Variants in NCAM1 observed in about 807,000 individuals in gnomAD.
NCAM1 encodes neural cell adhesion molecule 1, also known as antigen recognized by monoclonal antibody 5.1H11.
NCAM1 carries 14 observed loss-of-function variants against 109.8 expected under a neutral mutation model. The ratio of observed to expected loss-of-function variants is 0.13; its 90% CI spans 0.08 to 0.20. The LOEUF (loss-of-function observed/expected upper bound fraction) is 0.20. NCAM1 is among the 10% of genes least tolerant of loss of function. The probability of loss-of-function intolerance (pLI) is 1.00; values close to 1 mark genes in which losing one functional copy is unlikely to be tolerated. For missense variants in NCAM1, 774 were observed against 1,109.9 expected, an observed-to-expected ratio of 0.70 and a Z score of 4.30; for synonymous variants, 418 against 442.9, an observed-to-expected ratio of 0.94 and a Z score of 0.70.
At chr11:113,050,354 A>G (rs1447964216) in intron 1 of NCAM1, among the ~76,000 whole-genome samples, 1 of 152,144 alleles carries the variant, frequency 6.6e-6, no homozygotes, top group African/African-American at 2.4e-5. Flanking sequence ...TCAGGCGCTG[A>G]CTCAAATATT....
intron 18 of NCAM1, among the ~76,000 whole-genome samples, chr11:113,270,786 C>A (rs1946249586): frequency 6.6e-6 from 1 of 152,162 alleles, no homozygotes; most frequent in African/African-American, 2.4e-5. Flanking sequence ...CATCACTCAA[C>A]AAATATTTAT....
chr11:113,193,741 T>A (rs1419575172), intron 1 of NCAM1, among the ~76,000 whole-genome samples: 1 of 151,990 alleles, frequency 6.6e-6, no homozygotes, highest in Non-Finnish European at 1.5e-5. Context: ...ACTGGGTGCC[T>A]TTTGGGGACT....
intron 1 of NCAM1, among the ~76,000 whole-genome samples, chr11:113,176,270 G>A (rs1943140773): frequency 6.6e-6 from 1 of 152,202 alleles, no homozygotes; most frequent in African/African-American, 2.4e-5. Flanking sequence ...GACAAGCATG[G>A]CCTCTTGGAG....
intron 14 of NCAM1, 103 bp from the exon 15 acceptor site, chr11:113,246,265 C>T: frequency 4.6e-6 from 3 of 653,970 alleles, no homozygotes; most frequent in East Asian, 5.5e-5. Flanking sequence ...TTCCATGTGA[C>T]CTCCTCCACT....
chr11:113,164,097 C>T (rs1485815211), intron 1 of NCAM1, among the ~76,000 whole-genome samples: 1 of 152,132 alleles, frequency 6.6e-6, no homozygotes, highest in Non-Finnish European at 1.5e-5. Context: ...TGGGTACATG[C>T]TCTGCAGTCT....
chr11:113,152,135 A>T (rs1376287761), intron 1 of NCAM1, among the ~76,000 whole-genome samples: 3 of 152,244 alleles, frequency 2.0e-5, no homozygotes, highest in Non-Finnish European at 2.9e-5. Context: ...TCAGGAAGGC[A>T]TCTCTCATGG....
rs535255349 is a variant in NCAM1 at position 113,050,427 on chromosome 11, C to T, written c.52+88763C>T. Among the ~76,000 whole-genome samples the T allele has an allele frequency of 2.7e-3, 416 of 152,194 alleles. 1 individual carries two copies. The highest frequency in any genetic ancestry group is 9.6e-3 in the African/African-American group (397 of 41,518). On this transcript the variant is annotated intron_variant, in intron 1 of 19. Transcript: ENST00000316851. ...TTATTATAGGAGGTTTGAGAAATTC[C>T]ACTCTTTCCCCTTATTTTCTTCAAA...
intron 1 of NCAM1, among the ~76,000 whole-genome samples, chr11:113,117,459 C>T (rs1331698965): frequency 6.6e-6 from 1 of 151,918 alleles, no homozygotes; most frequent in Non-Finnish European, 1.5e-5. Flanking sequence ...TTCCCGTCCC[C>T]CACTAATCCC....
intron 17 of NCAM1, chr11:113,264,529 C>T (rs1278958910): frequency 1.0e-6 from 1 of 985,656 alleles, no homozygotes. Context: ...GGGCACAGGG[C>T]AGAGCATAAG....
intron 1 of NCAM1, among the ~76,000 whole-genome samples, chr11:113,007,825 T>A (rs6589354): frequency 0.45 from 68,645 of 152,120 alleles, 16,363 homozygotes; most frequent in East Asian, 0.8. Flanking sequence ...TGGGCTTGAA[T>A]GGTTTGGAGT....
Position 113,012,383 on chromosome 11 carries a change from C to G in NCAM1, c.52+50719C>G, listed in dbSNP as rs77498137. On this transcript the variant is annotated intron_variant, in intron 1 of 19. Coordinates refer to ENST00000316851, the MANE Select transcript of NCAM1 (RefSeq NM_181351.5). ...CTGAAATTTGAATATAGGTTGTACA[C>G]TAGATGCCAGTATATCAGTGTTAAA... 2.9e-3 allele frequency among the ~76,000 whole-genome samples: 446 copies of G among 152,218 alleles called. 3 individuals carry two copies. The highest frequency in any genetic ancestry group is 4.3e-3 in the Non-Finnish European group (291 of 68,020).
chr11:113,198,648 G>C (rs1210769626), intron 1 of NCAM1, among the ~76,000 whole-genome samples: 2 of 152,168 alleles, frequency 1.3e-5, no homozygotes, highest in South Asian at 2.1e-4. Flanking sequence ...GCTGATGTTA[G>C]ATCTTTGTAC....
chr11:113,085,324 T>C (rs1321694303), intron 1 of NCAM1, among the ~76,000 whole-genome samples: 3 of 152,220 alleles, frequency 2.0e-5, no homozygotes, highest in Non-Finnish European at 2.9e-5. Context: ...CTGACTAGAT[T>C]GCAGTTATTA....
intron 1 of NCAM1, among the ~76,000 whole-genome samples, chr11:113,177,930 C>G (rs1307173850): frequency 6.6e-6 from 1 of 152,052 alleles, no homozygotes; most frequent in Non-Finnish European, 1.5e-5. Flanking sequence ...AAAAGGAATG[C>G]CTACAGCAGC....
At chr11:113,238,584 C>A (rs540332743) in intron 14 of NCAM1, among the ~76,000 whole-genome samples, 1 of 152,222 alleles carries the variant, frequency 6.6e-6, no homozygotes, top group Admixed American at 6.5e-5. Context: ...GAACTGAGGA[C>A]GAGCCTTAGG....
Position 113,202,467 on chromosome 11 carries a change from G to A in NCAM1, c.127+14G>A, listed in dbSNP as rs1555112054. 1 of 1,598,796 alleles carries A rather than the reference G, an allele frequency of 6.3e-7. No individual in the cohort carries two copies. Among genetic ancestry groups the A allele is most frequent in the East Asian group, 2.2e-5 (1 of 44,786 alleles). ...TCTTATGCCAAGGCAAGTGCCTAGT[G>A]CTCAGCTGCATTTTAGAACTTGCTT... On this transcript the variant is annotated intron_variant, in intron 2 of 19. Coordinates refer to ENST00000316851, the MANE Select transcript of NCAM1 (RefSeq NM_181351.5).
chr11:113,053,613 A>G (rs782086847), intron 1 of NCAM1, among the ~76,000 whole-genome samples: 6 of 152,186 alleles, frequency 3.9e-5, no homozygotes, highest in Admixed American at 1.3e-4. Flanking sequence ...GACTGGTATG[A>G]GGATGGTAAA....
At chr11:113,155,395 G>A (rs1251476036) in intron 1 of NCAM1, among the ~76,000 whole-genome samples, 2 of 151,916 alleles carry the variant, frequency 1.3e-5, no homozygotes, top group African/African-American at 4.8e-5. Context: ...TGTAATCCCA[G>A]CTACTCAGGA....
At chr11:113,229,468 C>G (rs1432571735) in intron 9 of NCAM1, among the ~76,000 whole-genome samples, 2 of 152,162 alleles carry the variant, frequency 1.3e-5, no homozygotes, top group Non-Finnish European at 2.9e-5. Flanking sequence ...AATAGGAACA[C>G]TTTTACACTG....
Sources: gnomAD v4.1 joint callset for allele counts (sites outside exome capture counted in the v4.1 genomes callset) on GRCh38, gnomAD v4.1.1 for gene constraint, MANE v1.5 for transcripts, NCBI Gene and HGNC (gene_info 2026-07-23, HGNC 2026-07-21) for gene names.